The following EYS variants were observed in gnomAD, a reference collection of about 807,000 sequenced individuals.
EYS encodes EGF-like photoreceptor maintenance factor, also known as protein eyes shut homolog.
EYS carries 250 observed loss-of-function variants against 282.1 expected under a neutral mutation model. The ratio of observed to expected loss-of-function variants is 0.89; its 90% CI spans 0.80 to 0.98. The LOEUF is 0.98. Among genes scored for constraint, EYS ranks in the 50% least tolerant of loss-of-function variants. The pLI, the probability that EYS is intolerant of heterozygous loss-of-function variation, is 0.00. For missense variants in EYS, 4,016 were observed against 3,709.0 expected, an observed-to-expected ratio of 1.08 and a Z score of -2.15; for synonymous variants, 1,355 against 1,282.9, an observed-to-expected ratio of 1.06 and a Z score of -1.20.
chr6:64,574,673 A>G (rs928681532), intron 26 of EYS, among the ~76,000 whole-genome samples: 1 of 152,168 alleles, frequency 6.6e-6, no homozygotes, highest in African/African-American at 2.4e-5. Flanking sequence ...AAAAACTGAT[A>G]TATTCATTTC....
chr6:64,451,145 A>T (rs1262265148), intron 26 of EYS, among the ~76,000 whole-genome samples: 1 of 152,176 alleles, frequency 6.6e-6, no homozygotes. Flanking sequence ...AGAAGAATCA[A>T]ATAGATGCAA....
At chr6:65,129,560 A>T (rs1313759891) in intron 12 of EYS, among the ~76,000 whole-genome samples, 1 of 152,230 alleles carries the variant, frequency 6.6e-6, no homozygotes, top group Non-Finnish European at 1.5e-5. Flanking sequence ...ACATAAAAAA[A>T]ATGCTCATAA....
intron 29 of EYS, among the ~76,000 whole-genome samples, chr6:64,310,366 A>G (rs1769645577): frequency 6.6e-6 from 1 of 152,222 alleles, no homozygotes; most frequent in African/African-American, 2.4e-5. Flanking sequence ...GATAAAGAAA[A>G]TGTACATAGA....
chr6:65,649,512 A>G (rs1767579167), intron 1 of EYS, among the ~76,000 whole-genome samples: 3 of 152,232 alleles, frequency 2.0e-5, no homozygotes, highest in Non-Finnish European at 4.4e-5. Context: ...TTTAAATTAT[A>G]AATAAAAATA....
Position 65,438,014 on chromosome 6 carries a change from A to G in EYS, c.863-32647T>C, listed in dbSNP as rs991599766. Among the ~76,000 whole-genome samples the G allele has an allele frequency of 2.4e-4, 20 of 81,752 alleles. No homozygotes were observed. The South Asian group carries it at 2.9e-3, about 12-fold the overall frequency. The allele number at this position is 81,752 out of a possible 152,430, so 53.6% of individuals were successfully genotyped here. On this transcript the variant is annotated intron_variant, in intron 5 of 42. Transcript: ENST00000503581. ...AATGCTATCCCTCTCCCCTCCCCCC[A>G]CCCCACGACAGGCCTCAGTGTGTGA... is the stretch of plus-strand genomic sequence containing the variant.
chr6:65,582,009 G>A (rs1200132369), intron 2 of EYS, among the ~76,000 whole-genome samples: 2 of 151,536 alleles, frequency 1.3e-5, no homozygotes, highest in African/African-American at 4.8e-5. Flanking sequence ...ATAGCATGGT[G>A]AAAACCTGTT....
chr6:64,623,393 G>T (rs13205400), intron 23 of EYS, among the ~76,000 whole-genome samples: 16,358 of 152,064 alleles, frequency 0.11, 1,060 homozygotes, highest in East Asian at 0.16. Context: ...AACATGTTGT[G>T]GGACATTACC....
intron 22 of EYS, among the ~76,000 whole-genome samples, chr6:64,760,719 T>C (rs1231811595): frequency 1.3e-5 from 2 of 152,142 alleles, no homozygotes; most frequent in Non-Finnish European, 2.9e-5. Context: ...GCTTGTCAGT[T>C]GGAAGTGATG....
At chr6:64,977,437 C>G (rs9363303) in intron 14 of EYS, among the ~76,000 whole-genome samples, 1 of 151,792 alleles carries the variant, frequency 6.6e-6, no homozygotes, top group African/African-American at 2.4e-5. Flanking sequence ...TTCTCTAGCT[C>G]TCTCCCTCTG....
Position 63,955,047 on chromosome 6 carries a change from C to T in EYS, c.7055+29336G>A, listed in dbSNP as rs567402327. ...TGGCAAATTGACTTTACTCACATGT[C>T]CTGAGTCAGAAAACTAAAATATCTC... is the stretch of plus-strand genomic sequence containing the variant. On this transcript the variant is annotated intron_variant, in intron 35 of 42. Coordinates refer to ENST00000503581, the MANE Select transcript of EYS (RefSeq NM_001142800.2). Among the ~76,000 whole-genome samples the T allele has an allele frequency of 3.9e-5, 6 of 152,288 alleles. No individual in the cohort carries two copies. The South Asian group carries it at 1.2e-3, about 32-fold the overall frequency.
chr6:63,810,014 G>A lies in EYS; in HGVS notation c.7229-3642C>T, dbSNP rs572426888. ...CCCAGCACTTTGGGAGGCCGAGGCG[G>A]GTGGATCATGAGGTCAGGAGATCCA... On this transcript the variant is annotated intron_variant, in intron 36 of 42. Coordinates refer to ENST00000503581, the MANE Select transcript of EYS (RefSeq NM_001142800.2). Among the ~76,000 whole-genome samples the A allele has an allele frequency of 7.2e-4, 109 of 151,378 alleles. 1 individual carries two copies. Among genetic ancestry groups the A allele is most frequent in the Non-Finnish European group, 1.3e-3 (88 of 67,732 alleles).
chr6:64,686,104 TA>T (rs141538145), intron 22 of EYS, among the ~76,000 whole-genome samples: 24,418 of 149,594 alleles, frequency 0.16, 2,802 homozygotes, highest in African/African-American at 0.32. Context: ...TTAAAAACAT[TA>T]AAAAAAAACA....
chr6:63,759,172 A>G (rs1046213854), intron 41 of EYS, among the ~76,000 whole-genome samples: 4 of 152,146 alleles, frequency 2.6e-5, no homozygotes, highest in African/African-American at 9.7e-5. Context: ...CTTTTCACTC[A>G]CTGTTTTGTA....
chr6:65,223,432 T>C (rs770429397), intron 12 of EYS, among the ~76,000 whole-genome samples: 1 of 152,052 alleles, frequency 6.6e-6, no homozygotes, highest in African/African-American at 2.4e-5. Flanking sequence ...AGAGAACATA[T>C]GACATTTTAA....
chr6:64,943,248 A>G (rs139276181), intron 15 of EYS, among the ~76,000 whole-genome samples: 114 of 152,222 alleles, frequency 7.5e-4, no homozygotes, highest in Non-Finnish European at 1.4e-3. Flanking sequence ...AGCCAACATC[A>G]TACTAAATGG....
At chr6:64,399,453 T>G (rs1476796253) in intron 28 of EYS, among the ~76,000 whole-genome samples, 1 of 151,882 alleles carries the variant, frequency 6.6e-6, no homozygotes, top group African/African-American at 2.4e-5. Context: ...ATTTAGTTTA[T>G]TTTTTGAAAT....
intron 33 of EYS, among the ~76,000 whole-genome samples, chr6:64,060,471 A>T (rs1358349083): frequency 6.6e-6 from 1 of 152,138 alleles, no homozygotes; most frequent in African/African-American, 2.4e-5. Flanking sequence ...TGGGTATTAT[A>T]AGAAGTAGTC....
At chr6:65,119,666 C>A (rs1775472484) in intron 12 of EYS, among the ~76,000 whole-genome samples, 1 of 135,098 alleles carries the variant, frequency 7.4e-6, no homozygotes, top group South Asian at 2.2e-4. Context: ...TTGTTCTCAA[C>A]CCTGAATTCA....
intron 22 of EYS, among the ~76,000 whole-genome samples, chr6:64,712,888 G>A (rs1036250965): frequency 1.3e-5 from 2 of 152,168 alleles, no homozygotes; most frequent in African/African-American, 4.8e-5. Flanking sequence ...CAAAGGCAAT[G>A]GAGTGTAGCA....
Sources: gnomAD v4.1 joint callset for allele counts (sites outside exome capture counted in the v4.1 genomes callset) on GRCh38, gnomAD v4.1.1 for gene constraint, MANE v1.5 for transcripts, NCBI Gene and HGNC (gene_info 2026-07-23, HGNC 2026-07-21) for gene names.